Variants in PIK3C2G observed in about 807,000 individuals in gnomAD.
PIK3C2G encodes phosphatidylinositol 3-kinase C2 domain-containing subunit gamma.
Under a neutral mutation model 181.1 loss-of-function variants are expected in PIK3C2G, and 168 were observed. The ratio of observed to expected loss-of-function variants is 0.93; its 90% CI spans 0.82 to 1.05. PIK3C2G has a LOEUF of 1.05. PIK3C2G is among the 50% of genes least tolerant of loss of function. The pLI, the probability that PIK3C2G is intolerant of heterozygous loss-of-function variation, is 0.00. For missense variants in PIK3C2G, 1,869 were observed against 1,732.8 expected (o/e 1.08, Z -1.40); for synonymous variants, 573 against 592.2 (o/e 0.97, Z 0.47).
At chr12:18,708,564 T>C in the PIK3C2G span, among the ~76,000 whole-genome samples, 2,503 of 152,270 alleles carry the variant, frequency 0.016, 24 homozygotes, top group Non-Finnish European at 0.024. Flanking sequence ...CTCTATTTTT[T>C]ATTTCTTTAG....
At chr12:18,301,906 G>T (rs1591877616) in intron 5 of PIK3C2G, among the ~76,000 whole-genome samples, 1 of 152,140 alleles carries the variant, frequency 6.6e-6, no homozygotes, top group Admixed American at 6.5e-5. Context: ...GTGTGGGTGG[G>T]TATACAACTT....
At chr12:18,258,936 T>C (rs1223622491), upstream of PIK3C2G, among the ~76,000 whole-genome samples, 1 of 152,174 alleles carries the variant, frequency 6.6e-6, no homozygotes, top group African/African-American at 2.4e-5. Flanking sequence ...TACTTTTTAA[T>C]AGAGCAGCAA....
intron 10 of PIK3C2G, 139 bp from the exon 11 acceptor site, chr12:18,346,502 T>G (rs899745881): frequency 2.5e-5 from 13 of 513,014 alleles, no homozygotes; most frequent in Non-Finnish European, 4.1e-5. Context: ...TACAGATAGT[T>G]AATTCTCTTC....
rs75225550 is a variant in PIK3C2G, at chr12:18,466,295, C to A, written c.2505-22154C>A. ...TGTGTATGTCTGATAATTACAACTG[C>A]TCAAGTTTTTACGGATCTAATTCTT... On this transcript the variant is annotated intron_variant, in intron 18 of 32. Coordinates refer to ENST00000538779, the MANE Select transcript of PIK3C2G (RefSeq NM_001288772.2). Among the ~76,000 whole-genome samples, 1,065 of 151,718 alleles carry A rather than the reference C, an allele frequency of 7.0e-3. 6 individuals are homozygous for A. Among genetic ancestry groups the A allele is most frequent in the African/African-American group, 0.019 (784 of 41,492 alleles).
intron 7 of PIK3C2G, among the ~76,000 whole-genome samples, chr12:18,324,693 G>A (rs1951256711): frequency 6.6e-6 from 1 of 152,126 alleles, no homozygotes; most frequent in South Asian, 2.1e-4. Context: ...AATATTTCTT[G>A]ATGTTAATAT....
At chr12:18,646,155 A>G (rs902637452) in intron 32 of PIK3C2G, among the ~76,000 whole-genome samples, 1 of 152,198 alleles carries the variant, frequency 6.6e-6, no homozygotes, top group African/African-American at 2.4e-5. Flanking sequence ...TTATTATCCC[A>G]GGAAAACTCA....
At chr12:18,524,718 A>G (rs1943125652) in intron 24 of PIK3C2G, among the ~76,000 whole-genome samples, 1 of 151,892 alleles carries the variant, frequency 6.6e-6, no homozygotes, top group Non-Finnish European at 1.5e-5. Context: ...GGTGCCCACC[A>G]CCACGCCTGG....
At chr12:18,477,507 A>G (rs1197623827) in intron 18 of PIK3C2G, among the ~76,000 whole-genome samples, 1 of 152,194 alleles carries the variant, frequency 6.6e-6, no homozygotes, top group Non-Finnish European at 1.5e-5. Flanking sequence ...GGTAAATTAC[A>G]TAACATAAGT....
intron 29 of PIK3C2G, among the ~76,000 whole-genome samples, chr12:18,584,918 C>T (rs1279107090): frequency 1.3e-5 from 2 of 152,072 alleles, no homozygotes; most frequent in Admixed American, 1.3e-4. Flanking sequence ...AAATCTTCAA[C>T]CAAGAATTTT....
At chr12:18,635,621 T>A (rs1400755092) in intron 31 of PIK3C2G, among the ~76,000 whole-genome samples, 2 of 152,288 alleles carry the variant, frequency 1.3e-5, no homozygotes, top group Non-Finnish European at 2.9e-5. Flanking sequence ...GTGGTGAAAT[T>A]CACCATAGGG....
At chr12:18,313,899 G>A (rs1950746993) in intron 5 of PIK3C2G, 63 bp from the exon 6 acceptor site, 2 of 870,770 alleles carry the variant, frequency 2.3e-6, no homozygotes, top group Admixed American at 2.3e-5. Flanking sequence ...AAGTCAGAGA[G>A]GAAAACATGT....
At chr12:18,411,052 G>T (rs1252041310) in intron 16 of PIK3C2G, among the ~76,000 whole-genome samples, 2 of 152,036 alleles carry the variant, frequency 1.3e-5, no homozygotes, top group Non-Finnish European at 2.9e-5. Context: ...GTCTCCTTCG[G>T]TCTGAGATTC....
chr12:18,339,952 A>C (rs1938966057), intron 9 of PIK3C2G, among the ~76,000 whole-genome samples: 1 of 152,164 alleles, frequency 6.6e-6, no homozygotes. Flanking sequence ...ATTAAATATC[A>C]AAGACAGATT....
In PIK3C2G at chr12:18,399,725, C is replaced by T; in HGVS notation, c.2193C>T (p.Ser731=). 1 of 1,602,616 alleles carries T rather than the reference C, an allele frequency of 6.2e-7. No individual in the cohort carries two copies. Among genetic ancestry groups the T allele is most frequent in the Non-Finnish European group, 8.5e-7 (1 of 1,171,778 alleles). The part of the protein sequence containing the change: ...YRFYCNNENC[S]LPLVLGSAPG... Reference sequence around the variant, plus strand: ...TCTACTGCAATAATGAAAACTGCTCCCTTCCTTTAGTCCTGGGTAGTGCCC... The same window carrying T: ...TCTACTGCAATAATGAAAACTGCTCTCTTCCTTTAGTCCTGGGTAGTGCCC... Residue 731 remains serine, a synonymous_variant, in exon 16 of 33, where the codon TCC becomes TCT. Transcript: ENST00000538779.
rs762683516 is a variant in PIK3C2G, at chr12:18,294,013, AAAGT to A, written c.1034+4_1034+7del. On this transcript the variant is annotated splice_donor_variant and coding_sequence_variant, in exon 5 of 33. Transcript: ENST00000538779. LOFTEE classifies it high-confidence loss of function. ...TATGTGGCTCTGAAGAATTTTTACA[AAAGT>A]AAGTATTTTATGAAATTTTGGTTGT... 5.7e-6 allele frequency: 8 copies of A among 1,400,364 alleles called. No homozygotes were observed. Among genetic ancestry groups the A allele is most frequent in the East Asian group, 2.3e-5 (1 of 43,852 alleles). 86.7% of individuals were successfully genotyped at this position (1,400,364 alleles called of 1,614,324 possible). A position where few individuals can be genotyped will look rare whatever the true frequency, so the allele number is the denominator to read the frequency against.
chr12:18,504,369 G>A (rs753881961), intron 23 of PIK3C2G, among the ~76,000 whole-genome samples: 5 of 152,120 alleles, frequency 3.3e-5, no homozygotes, highest in Admixed American at 1.3e-4. Context: ...TTGTGGTTAC[G>A]TTATTTCCAA....
intron 18 of PIK3C2G, among the ~76,000 whole-genome samples, chr12:18,439,584 G>A (rs1946627576): frequency 8.6e-6 from 1 of 116,628 alleles, no homozygotes; most frequent in African/African-American, 3.3e-5. Context: ...AGCCACTCAT[G>A]TATGTATCTG....
At chr12:18,619,741 ATTTT>A (rs34358685) in intron 31 of PIK3C2G, among the ~76,000 whole-genome samples, 4 of 142,980 alleles carry the variant, frequency 2.8e-5, no homozygotes, top group South Asian at 2.2e-4. Flanking sequence ...TATGATTTTA[ATTTT>A]TTTTTTTTTT....
intron 5 of PIK3C2G, among the ~76,000 whole-genome samples, chr12:18,296,290 A>C (rs1949937808): frequency 6.6e-6 from 1 of 152,170 alleles, no homozygotes; most frequent in Admixed American, 6.6e-5. Flanking sequence ...CCGTGTTCTC[A>C]AACTTTAAAG....
Sources: allele counts gnomAD v4.1 joint callset (sites outside exome capture counted in the v4.1 genomes callset), GRCh38; gene constraint gnomAD v4.1.1; transcripts MANE v1.5; gene names NCBI Gene and HGNC (gene_info 2026-07-23, HGNC 2026-07-21).